EPHB1: variants seen among roughly 807,000 people sequenced by gnomAD.
The protein encoded by EPHB1 is EPH receptor B1, also known as ephrin type-B receptor 1.
In EPHB1, 30 loss-of-function variants were observed where a neutral mutation model predicts 94.4. The observed-to-expected ratio is 0.32, with a 90% CI of 0.24 to 0.43. The LOEUF is 0.43. EPHB1 is among the 20% of genes least tolerant of loss of function. EPHB1 has a pLI of 1.00. For missense variants in EPHB1, 1,055 were observed against 1,308.3 expected, an observed-to-expected ratio of 0.81 and a Z score of 2.99; for synonymous variants, 522 against 489.1, an observed-to-expected ratio of 1.07 and a Z score of -0.89.
In EPHB1 at chr3:134,963,135, C is replaced by CTCCTTCCTTCCTTCCTTCCTTCCT. The variant is rs59384593; in HGVS notation, c.805+11110_805+11133dup. On this transcript the variant is annotated intron_variant, in intron 3 of 15. Transcript: ENST00000398015. ...CTCTCCCTTCTTATACCTTCTCTTGCTCCTTCCTTCCTTCCTTCCTTCCTT... is the reference window on the plus strand; with the variant it reads ...CTCTCCCTTCTTATACCTTCTCTTGCTCCTTCCTTCCTTCCTTCCTTCCTTCCTTCCTTCCTTCCTTCCTTCCTT... 9.8e-4 allele frequency among the ~76,000 whole-genome samples: 134 copies of CTCCTTCCTTCCTTCCTTCCTTCCT among 137,072 alleles called. 1 individual carries two copies. Among genetic ancestry groups the CTCCTTCCTTCCTTCCTTCCTTCCT allele is most frequent in the Middle Eastern group, 3.6e-3 (1 of 278 alleles). The allele number at this position is 137,072 out of a possible 152,430, so 89.9% of individuals were successfully genotyped here.
chr3:135,165,657 C>T (rs1941632314), intron 7 of EPHB1, among the ~76,000 whole-genome samples: 1 of 152,318 alleles, frequency 6.6e-6, no homozygotes, highest in African/African-American at 2.4e-5. Flanking sequence ...ACATGGCTGA[C>T]AGTTCTTCGA....
intron 3 of EPHB1, among the ~76,000 whole-genome samples, chr3:135,005,536 G>T (rs1464261997): frequency 1.3e-5 from 2 of 152,214 alleles, no homozygotes; most frequent in East Asian, 1.9e-4. Context: ...CCTGGGCAAT[G>T]GTGGGCGCCC....
At chr3:135,079,463 G>T (rs1242823390) in intron 3 of EPHB1, among the ~76,000 whole-genome samples, 3 of 152,166 alleles carry the variant, frequency 2.0e-5, no homozygotes, top group Non-Finnish European at 4.4e-5. Flanking sequence ...TTCTTGTAGA[G>T]ACTTCTGCCT....
chr3:135,197,321 C>G (rs1418895509), intron 11 of EPHB1, among the ~76,000 whole-genome samples: 1 of 152,138 alleles, frequency 6.6e-6, no homozygotes, highest in East Asian at 1.9e-4. Flanking sequence ...CATTTCTCAT[C>G]AGAGAAGCTC....
chr3:135,055,602 C>T (rs1240929471), intron 3 of EPHB1, among the ~76,000 whole-genome samples: 3 of 152,216 alleles, frequency 2.0e-5, no homozygotes, highest in African/African-American at 2.4e-5. Flanking sequence ...AGGGCCTGGG[C>T]ATCTTCCAAG....
intron 12 of EPHB1, among the ~76,000 whole-genome samples, chr3:135,204,981 C>T (rs1436108560): frequency 7.6e-6 from 1 of 132,022 alleles, no homozygotes; most frequent in South Asian, 2.8e-4. Flanking sequence ...TCCTTCTACT[C>T]TCTATCTCCA....
chr3:135,234,309 T>G (rs897160281), intron 12 of EPHB1, among the ~76,000 whole-genome samples: 6 of 152,172 alleles, frequency 3.9e-5, no homozygotes, highest in African/African-American at 1.2e-4. Context: ...TCACCTTTGC[T>G]CTAGTTCCCA....
At chr3:134,820,745 TC>T (rs2036364577) in intron 1 of EPHB1, among the ~76,000 whole-genome samples, 1 of 152,188 alleles carries the variant, frequency 6.6e-6, no homozygotes, top group African/African-American at 2.4e-5. Context: ...CTTGGAACTC[TC>T]CATGCTTCCT....
intron 1 of EPHB1, among the ~76,000 whole-genome samples, chr3:134,850,321 A>AGT (rs2036954693): frequency 6.6e-6 from 1 of 152,204 alleles, no homozygotes; most frequent in Non-Finnish European, 1.5e-5. Context: ...ACATCAAAGC[A>AGT]GTAGGAGCTC....
At chr3:135,119,138 A>T (rs749474125) in intron 4 of EPHB1, among the ~76,000 whole-genome samples, 24 of 152,082 alleles carry the variant, frequency 1.6e-4, no homozygotes, top group Middle Eastern at 3.2e-3. Flanking sequence ...TATTTTTTAT[A>T]TGTTTATTGA....
intron 1 of EPHB1, among the ~76,000 whole-genome samples, chr3:134,922,535 T>C (rs982290572): frequency 6.6e-6 from 1 of 152,214 alleles, no homozygotes; most frequent in Non-Finnish European, 1.5e-5. Flanking sequence ...TATGAAGTCT[T>C]GGGCTGTATT....
chr3:135,117,558 G>C (rs6800404), intron 4 of EPHB1, among the ~76,000 whole-genome samples: 4,639 of 152,296 alleles, frequency 0.03, 236 homozygotes, highest in African/African-American at 0.1. Context: ...TAAATAAAAA[G>C]TGTTCTGGCT....
Position 135,192,885 on chromosome 3 carries a change from G to A in EPHB1, c.2130+62G>A, listed in dbSNP as rs1323205199. The A allele has an allele frequency of 3.2e-6, 5 of 1,579,614 alleles. No individual in the cohort carries two copies. In the African/African-American group the frequency reaches 6.7e-5, roughly 21 times the overall value. The stretch of plus-strand genomic sequence containing the variant: ...TGCAGGTGAATGATGGCTGGGGAGA[G>A]GGGTTCCATGAGCACAACCTACCAA... On this transcript the variant is annotated intron_variant, in intron 11 of 15. Transcript: ENST00000398015.
At chr3:134,849,727 C>G (rs1054245902) in intron 1 of EPHB1, among the ~76,000 whole-genome samples, 1 of 152,200 alleles carries the variant, frequency 6.6e-6, no homozygotes, top group Non-Finnish European at 1.5e-5. Flanking sequence ...GCCAGCTAGA[C>G]AGTGGTACCA....
chr3:134,830,251 T>A lies in EPHB1; in HGVS notation c.58+34562T>A, dbSNP rs142719977. ...TTACTCCTAATTACTTCAGTGTCTG[T>A]TTCCTAAAAGCAGTAAAAACTCTTA... is the stretch of plus-strand genomic sequence containing the variant. On this transcript the variant is annotated intron_variant, in intron 1 of 15. Coordinates refer to ENST00000398015, the MANE Select transcript of EPHB1 (RefSeq NM_004441.5). Among the ~76,000 whole-genome samples, 8 of 152,324 alleles carry A rather than the reference T, an allele frequency of 5.3e-5. No homozygotes were observed. The East Asian group carries it at 1.5e-3, about 29-fold the overall frequency.
At chr3:135,033,950 G>C (rs1936567013) in intron 3 of EPHB1, among the ~76,000 whole-genome samples, 1 of 152,108 alleles carries the variant, frequency 6.6e-6, no homozygotes, top group African/African-American at 2.4e-5. Flanking sequence ...CTGCTGCAGA[G>C]GAGCTATTGT....
At chr3:135,084,220 T>G (rs1938262613) in intron 3 of EPHB1, among the ~76,000 whole-genome samples, 1 of 152,198 alleles carries the variant, frequency 6.6e-6, no homozygotes, top group Non-Finnish European at 1.5e-5. Context: ...TCATTATTGA[T>G]GGAGATGCCC....
intron 1 of EPHB1, among the ~76,000 whole-genome samples, chr3:134,852,833 C>A (rs886532027): frequency 1.2e-4 from 18 of 152,184 alleles, no homozygotes; most frequent in Non-Finnish European, 2.5e-4. Context: ...GAAAAAGCAG[C>A]AAAACAGTGA....
intron 4 of EPHB1, among the ~76,000 whole-genome samples, chr3:135,130,517 G>A (rs535113849): frequency 2.0e-5 from 3 of 152,316 alleles, no homozygotes; most frequent in African/African-American, 7.2e-5. Flanking sequence ...GAGAGGGTGT[G>A]CAATGTAGAT....
Sources: allele counts gnomAD v4.1 joint callset (sites outside exome capture counted in the v4.1 genomes callset), GRCh38; gene constraint gnomAD v4.1.1; transcripts MANE v1.5; gene names NCBI Gene and HGNC (gene_info 2026-07-23, HGNC 2026-07-21).